The following DCDC1 variants were observed in gnomAD, a reference collection of about 807,000 sequenced individuals.
The protein encoded by DCDC1 is doublecortin domain-containing protein 1.
DCDC1 carries 200 observed loss-of-function variants against 178.3 expected under a neutral mutation model. The ratio of observed to expected loss-of-function variants is 1.12; its 90% CI spans 1.00 to 1.26. The LOEUF is 1.26. Among genes scored for constraint, DCDC1 ranks in the 50% most tolerant of loss-of-function variants. DCDC1 has a pLI of 0.00. For missense variants in DCDC1, 1,983 were observed against 1,749.2 expected, an observed-to-expected ratio of 1.13 and a Z score of -2.38; for synonymous variants, 690 against 604.8, an observed-to-expected ratio of 1.14 and a Z score of -2.07.
At position 30,922,627 on chromosome 11, in the gene DCDC1, TGA is replaced by T; in HGVS notation, c.3007_3008del (p.Ser1003MetfsTer9). On this transcript the variant is annotated frameshift_variant, in exon 24 of 39. Coordinates refer to ENST00000684477, the MANE Select transcript of DCDC1 (RefSeq NM_001387274.1). LOFTEE classifies it high-confidence loss of function. ...DLQRDELVYV[S>X]CGELWINPDL... ...CAGGATTGATCCAGAGTTCTCCACA[TGA>T]AACATACACCTATCAAACAAAGCAT... 6.4e-7 allele frequency: 1 copy of T among 1,554,724 alleles called. No individual in the cohort carries two copies. Among genetic ancestry groups the T allele is most frequent in the Non-Finnish European group, 8.6e-7 (1 of 1,157,292 alleles).
Position 30,920,900 on chromosome 11 carries a change from C to T in DCDC1, c.3169G>A (p.Gly1057Arg), listed in dbSNP as rs1946205282. ...VLEVQSDIVS[G>R]SKLAVHKPVA... ...GGTTTATGCACAGCAAGCTTGCTTC[C>T]AGATACAATGTCACTTTGGACTTCT... The change falls in exon 25 of 39, where the codon GGA (glycine) becomes AGA (arginine). Residue 1057 changes from glycine (G) to arginine (R), a missense_variant. Transcript: ENST00000684477. The T allele has an allele frequency of 3.7e-6, 6 of 1,612,702 alleles. No homozygotes were observed. In the Admixed American group the frequency reaches 1.0e-4, roughly 27 times the overall value.
chr11:31,141,013 A>C (rs1963759691), intron 9 of DCDC1, among the ~76,000 whole-genome samples: 1 of 152,188 alleles, frequency 6.6e-6, no homozygotes, highest in Admixed American at 6.5e-5. Flanking sequence ...TTGCTGGCTC[A>C]GGAAGCTCTC....
At chr11:31,329,778 C>G (rs1342541409) in intron 2 of DCDC1, among the ~76,000 whole-genome samples, 2 of 152,130 alleles carry the variant, frequency 1.3e-5, no homozygotes, top group Non-Finnish European at 2.9e-5. Context: ...ATGTGCCACA[C>G]TTTCTTAATC....
chr11:30,990,303 G>A, intron 20 of DCDC1, among the ~76,000 whole-genome samples: 1 of 152,118 alleles, frequency 6.6e-6, no homozygotes, highest in East Asian at 1.9e-4. Flanking sequence ...TGCTCTCCCA[G>A]GAGCATAACC....
chr11:31,134,992 T>C (rs1250337830), intron 10 of DCDC1, among the ~76,000 whole-genome samples: 2 of 152,116 alleles, frequency 1.3e-5, no homozygotes, highest in Non-Finnish European at 2.9e-5. Flanking sequence ...AGAGAGCCTA[T>C]CTCTAAAATA....
rs181526499 is a variant in DCDC1, at chr11:31,198,372, A to T, written c.1221+43078T>A. On this transcript the variant is annotated intron_variant, in intron 9 of 38. Transcript: ENST00000684477. Reference sequence around the variant, plus strand: ...GATCATGGGATTTCTCTTGAAGGCAATTTTTTGCTAGCAAGTATAGATTTC... The same window carrying T: ...GATCATGGGATTTCTCTTGAAGGCATTTTTTTGCTAGCAAGTATAGATTTC... 2.2e-3 allele frequency among the ~76,000 whole-genome samples: 333 copies of T among 152,140 alleles called. 2 individuals are homozygous for T. The highest frequency in any genetic ancestry group is 7.3e-3 in the African/African-American group (304 of 41,538).
chr11:31,088,433 T>C (rs1339917184), intron 17 of DCDC1, among the ~76,000 whole-genome samples: 4 of 152,122 alleles, frequency 2.6e-5, no homozygotes, highest in Admixed American at 2.0e-4. Context: ...TTTCATTTTA[T>C]TTACTTTTTT....
chr11:31,227,322 G>A (rs1975115727), intron 9 of DCDC1, among the ~76,000 whole-genome samples: 2 of 152,068 alleles, frequency 1.3e-5, no homozygotes, highest in Admixed American at 1.3e-4. Flanking sequence ...CACATCAAAT[G>A]GTAAGAGGAG....
At chr11:30,966,050 C>T (rs1380496444) in intron 20 of DCDC1, among the ~76,000 whole-genome samples, 11 of 8,978 alleles carry the variant, frequency 1.2e-3, no homozygotes, top group African/African-American at 5.9e-3. Context: ...TGAATAGTGC[C>T]GCAATAAACA....
rs1427722103 is a variant in DCDC1 at position 31,152,509 on chromosome 11, A to G, written c.1222-14725T>C. On this transcript the variant is annotated intron_variant, in intron 9 of 38. Transcript: ENST00000684477. ...GCAGAGATAACAAGTAAATTCTAGG[A>G]GCATTTTGGGAAAATTCTCTTCCAC... 3.3e-5 allele frequency among the ~76,000 whole-genome samples: 5 copies of G among 152,332 alleles called. No individual in the cohort carries two copies. The East Asian group carries it at 7.7e-4, about 23-fold the overall frequency.
intron 9 of DCDC1, among the ~76,000 whole-genome samples, chr11:31,186,505 T>C (rs1291387051): frequency 6.6e-6 from 1 of 152,168 alleles, no homozygotes; most frequent in East Asian, 1.9e-4. Flanking sequence ...TCCTCAGCCA[T>C]AGCCTTGCTT....
rs1442345351 is a variant in DCDC1 at position 31,323,682 on chromosome 11, A to G, written c.164+4435T>C. Reference sequence around the variant, plus strand: ...GGTAATTAAGCTCTTGAATTGAAATATATACAAATAAACTATAAACACAAA... The same window carrying G: ...GGTAATTAAGCTCTTGAATTGAAATGTATACAAATAAACTATAAACACAAA... On this transcript the variant is annotated intron_variant, in intron 3 of 38. Transcript: ENST00000684477. Among the ~76,000 whole-genome samples the G allele has an allele frequency of 4.6e-5, 7 of 152,068 alleles. No individual in the cohort carries two copies. The East Asian group carries it at 7.7e-4, about 17-fold the overall frequency.
intron 20 of DCDC1, among the ~76,000 whole-genome samples, chr11:31,024,019 A>C (rs1303826427): frequency 1.3e-5 from 2 of 152,022 alleles, no homozygotes; most frequent in African/African-American, 4.8e-5. Flanking sequence ...ATGCCTTTTG[A>C]AAAATGAGTA....
At chr11:31,154,267 G>A (rs1389838870) in intron 9 of DCDC1, among the ~76,000 whole-genome samples, 2 of 152,184 alleles carry the variant, frequency 1.3e-5, no homozygotes, top group Admixed American at 1.3e-4. Flanking sequence ...ATTACCCAGT[G>A]TCAGGTAGTT....
chr11:31,006,261 G>A (rs1209702125), intron 20 of DCDC1, among the ~76,000 whole-genome samples: 1 of 152,132 alleles, frequency 6.6e-6, no homozygotes, highest in Non-Finnish European at 1.5e-5. Flanking sequence ...TTACAGTCCT[G>A]CAAAGGTTAC....
intron 8 of DCDC1, 100 bp from the exon 9 acceptor site, chr11:31,241,716 T>C (rs1302615391): frequency 2.8e-5 from 11 of 390,950 alleles, no homozygotes; most frequent in Non-Finnish European, 4.5e-5. Context: ...TCTTAACATC[T>C]ATTATTTATA....
chr11:31,156,313 C>A (rs1965711103), intron 9 of DCDC1, among the ~76,000 whole-genome samples: 1 of 152,116 alleles, frequency 6.6e-6, no homozygotes, highest in Admixed American at 6.5e-5. Flanking sequence ...TCGAATCAAT[C>A]ACAAATATTC....
At chr11:30,946,378 A>G (rs1412623084) in intron 21 of DCDC1, among the ~76,000 whole-genome samples, 1 of 152,092 alleles carries the variant, frequency 6.6e-6, no homozygotes, top group African/African-American at 2.4e-5. Context: ...GCTTGGCCCC[A>G]TGTGGGCCCT....
intron 2 of DCDC1, among the ~76,000 whole-genome samples, chr11:31,333,977 A>C (rs6484500): frequency 0.68 from 102,688 of 152,094 alleles, 35,350 homozygotes; most frequent in African/African-American, 0.79. Flanking sequence ...GAGTGTTTTC[A>C]AACTTGGTTC....
Sources: gnomAD v4.1 joint callset for allele counts (sites outside exome capture counted in the v4.1 genomes callset) on GRCh38, gnomAD v4.1.1 for gene constraint, MANE v1.5 for transcripts, NCBI Gene and HGNC (gene_info 2026-07-23, HGNC 2026-07-21) for gene names.